PCDHGA7: variants seen among roughly 807,000 people sequenced by gnomAD.
The protein encoded by PCDHGA7 is protocadherin gamma subfamily A, 7.
PCDHGA7 carries 44 observed loss-of-function variants against 58.3 expected under a neutral mutation model. The ratio of observed to expected loss-of-function variants is 0.75; its 90% CI spans 0.59 to 0.97. The LOEUF is 0.97. PCDHGA7 is among the 50% of genes least tolerant of loss of function. The probability of loss-of-function intolerance (pLI) is 0.00; values close to 1 mark genes in which losing one functional copy is unlikely to be tolerated. For synonymous variants in PCDHGA7, 516 were observed against 504.2 expected, an observed-to-expected ratio of 1.02 and a Z score of -0.31; for missense variants, 1,266 against 1,188.7, an observed-to-expected ratio of 1.06 and a Z score of -0.96.
At chr5:141,433,481 G>C (rs2097613311) in intron 1 of PCDHGA7, among the ~76,000 whole-genome samples, 1 of 152,046 alleles carries the variant, frequency 6.6e-6, no homozygotes, top group African/African-American at 2.4e-5. Flanking sequence ...CTAGCCTCCT[G>C]CTTCTCCCTC....
At chr5:141,447,032 C>A (rs1412709585) in intron 1 of PCDHGA7, among the ~76,000 whole-genome samples, 1 of 149,498 alleles carries the variant, frequency 6.7e-6, no homozygotes, top group Admixed American at 6.6e-5. Context: ...TGTTTTTTTT[C>A]TGTGTCTGGA....
intron 1 of PCDHGA7, among the ~76,000 whole-genome samples, chr5:141,467,211 C>G (rs1288732759): frequency 6.6e-6 from 1 of 152,068 alleles, no homozygotes; most frequent in Non-Finnish European, 1.5e-5. Context: ...TGCCACCATG[C>G]CTGGCTAATT....
chr5:141,436,958 G>C (rs2097855854), intron 1 of PCDHGA7, among the ~76,000 whole-genome samples: 1 of 152,124 alleles, frequency 6.6e-6, no homozygotes, highest in Non-Finnish European at 1.5e-5. Context: ...ATCTAAACAA[G>C]GATCTTGTGA....
chr5:141,403,204 G>C, intron 1 of PCDHGA7: 3 of 1,613,952 alleles, frequency 1.9e-6, no homozygotes, highest in Non-Finnish European at 2.5e-6. Flanking sequence ...GCGGCACCTT[G>C]GTCACCGCGG....
chr5:141,472,494 C>T (rs561045783), intron 1 of PCDHGA7, among the ~76,000 whole-genome samples: 9 of 151,168 alleles, frequency 6.0e-5, no homozygotes, highest in South Asian at 2.1e-4. Context: ...GAGACGAGAT[C>T]GTGCCACTGC....
At chr5:141,394,268 C>A in intron 1 of PCDHGA7, 3 of 1,613,946 alleles carry the variant, frequency 1.9e-6, no homozygotes, top group Non-Finnish European at 2.5e-6. Flanking sequence ...AGGAGAATGC[C>A]CAGGTCACTT....
chr5:141,436,207 A>T (rs544201723), intron 1 of PCDHGA7, among the ~76,000 whole-genome samples: 1 of 152,142 alleles, frequency 6.6e-6, no homozygotes, highest in Admixed American at 6.5e-5. Context: ...ACATAATAGG[A>T]AAACAAATGA....
At chr5:141,388,365 G>A (rs2091332064) in intron 1 of PCDHGA7, 1 of 1,614,002 alleles carries the variant, frequency 6.2e-7, no homozygotes, top group East Asian at 2.2e-5. Flanking sequence ...CCATGATGCG[G>A]ATATTGGTAG....
rs2099699514 is a variant in PCDHGA7 at position 141,490,385 on chromosome 5, A to G, written c.2425-4422A>G. 1 of 1,614,190 alleles carries G rather than the reference A, an allele frequency of 6.2e-7. No individual in the cohort carries two copies. Among genetic ancestry groups the G allele is most frequent in the African/African-American group, 1.3e-5 (1 of 75,032 alleles). ...GTGCGAGACCGGGACTCAGGTAGAA[A>G]TGGTGAAGTGAGCCTTGATATCTCT... On this transcript the variant is annotated intron_variant, in intron 1 of 3. Coordinates refer to ENST00000518325, the MANE Select transcript of PCDHGA7 (RefSeq NM_018920.4). This position sits in a 1 kb window ranked among gnomAD's most constrained non-coding sequence, Gnocchi z 5.4.
intron 1 of PCDHGA7, 71 bp downstream of exon 1, chr5:141,385,394 C>T: frequency 1.3e-5 from 19 of 1,499,976 alleles, no homozygotes; most frequent in Non-Finnish European, 1.7e-5. Context: ...TTTTGCAAAA[C>T]AAATGTTTTG....
chr5:141,452,378 T>C (rs1227738942), intron 1 of PCDHGA7, among the ~76,000 whole-genome samples: 1 of 152,226 alleles, frequency 6.6e-6, no homozygotes, highest in African/African-American at 2.4e-5. Context: ...TAGTAGGGAA[T>C]AGTATTTAGA....
chr5:141,438,054 T>C (rs1451843979), intron 1 of PCDHGA7, among the ~76,000 whole-genome samples: 2 of 152,182 alleles, frequency 1.3e-5, no homozygotes, highest in African/African-American at 4.8e-5. Flanking sequence ...TTGAGTTCAC[T>C]TTTAAGAAAC....
chr5:141,468,763 G>A (rs1341363934), intron 1 of PCDHGA7, among the ~76,000 whole-genome samples: 1 of 152,078 alleles, frequency 6.6e-6, no homozygotes, highest in Non-Finnish European at 1.5e-5. Flanking sequence ...CTACTCGGGA[G>A]GCTGAGGCAG....
At chr5:141,423,882 C>T in intron 1 of PCDHGA7, 3 of 1,282,372 alleles carry the variant, frequency 2.3e-6, no homozygotes, top group Non-Finnish European at 3.0e-6. Context: ...TCAATCTTGG[C>T]ATATTTTCTT....
rs770010951 is a variant in PCDHGA7 at position 141,408,783 on chromosome 5, T to A, written c.2424+23460T>A. On this transcript the variant is annotated intron_variant, in intron 1 of 3. Transcript: ENST00000518325. ...TCCGATGGTGGCAAATACCCAGAGT[T>A]ATCTCTGGAGAAACTCCTAGACCGG... 26 of 1,612,386 alleles carry A rather than the reference T, an allele frequency of 1.6e-5. No homozygotes were observed. The East Asian group carries it at 5.8e-4, about 36-fold the overall frequency.
chr5:141,444,001 C>G (rs2098413288), intron 1 of PCDHGA7, among the ~76,000 whole-genome samples: 1 of 151,914 alleles, frequency 6.6e-6, no homozygotes, highest in Non-Finnish European at 1.5e-5. Flanking sequence ...TTAAATGCTA[C>G]CTGGGTATTG....
chr5:141,420,492 TC>T (rs1172385190), intron 1 of PCDHGA7: 8 of 508,012 alleles, frequency 1.6e-5, no homozygotes, highest in Non-Finnish European at 1.8e-5. Flanking sequence ...ATGGGTAATC[TC>T]CGGTGACATT....
intron 1 of PCDHGA7, chr5:141,415,661 T>C: frequency 6.3e-7 from 1 of 1,582,308 alleles, no homozygotes; most frequent in East Asian, 2.3e-5. Flanking sequence ...AAGATTGGTT[T>C]TTACTTTGAA....
At chr5:141,398,955 A>G in intron 1 of PCDHGA7, 6 of 1,613,966 alleles carry the variant, frequency 3.7e-6, no homozygotes, top group Non-Finnish European at 5.1e-6. Context: ...TCAACTCAGA[A>G]ATTACTTATT....
Sources: allele counts gnomAD v4.1 joint callset (sites outside exome capture counted in the v4.1 genomes callset), GRCh38; gene constraint gnomAD v4.1.1; non-coding constraint Gnocchi (gnomAD v3.1); transcripts MANE v1.5; gene names NCBI Gene and HGNC (gene_info 2026-07-23, HGNC 2026-07-21).